The following SYNPR variants were observed in gnomAD, a reference collection of about 807,000 sequenced individuals.
SYNPR encodes the protein synaptoporin.
SYNPR carries 23 observed loss-of-function variants against 32.9 expected under a neutral mutation model. The ratio of observed to expected loss-of-function variants is 0.70; its 90% CI spans 0.50 to 0.99. The LOEUF is 0.99. SYNPR is among the 50% of genes least tolerant of loss of function. The pLI is 0.00. For missense variants in SYNPR, 318 were observed against 349.3 expected (o/e 0.91, Z 0.71); for synonymous variants, 146 against 135.9 (o/e 1.07, Z -0.52).
At chr3:63,512,289 C>G (rs1352703168) in intron 3 of SYNPR, among the ~76,000 whole-genome samples, 1 of 152,080 alleles carries the variant, frequency 6.6e-6, no homozygotes, top group African/African-American at 2.4e-5. Context: ...AGTGGGCTTT[C>G]TCAATGGATT....
chr3:63,286,742 G>C (rs2086687336), intron 2 of SYNPR, among the ~76,000 whole-genome samples: 1 of 152,184 alleles, frequency 6.6e-6, no homozygotes, highest in Admixed American at 6.5e-5. Context: ...CAATGTACTA[G>C]CTTAGGCTCC....
At chr3:63,362,086 C>T (rs1469050325) in intron 2 of SYNPR, among the ~76,000 whole-genome samples, 2 of 152,130 alleles carry the variant, frequency 1.3e-5, no homozygotes, top group African/African-American at 4.8e-5. Context: ...CATACAGGAC[C>T]ATTTAAGGGC....
chr3:63,559,636 G>A (rs1372832314), intron 4 of SYNPR, among the ~76,000 whole-genome samples: 1 of 151,422 alleles, frequency 6.6e-6, no homozygotes. Context: ...ATGTTCAGGT[G>A]TGCAACACTT....
intron 2 of SYNPR, among the ~76,000 whole-genome samples, chr3:63,475,533 A>G (rs1700883437): frequency 1.3e-5 from 2 of 152,160 alleles, no homozygotes; most frequent in Non-Finnish European, 2.9e-5. Flanking sequence ...GCACCACATT[A>G]ACAGAAAGAA....
At chr3:63,408,265 GAA>G (rs1560221052) in intron 2 of SYNPR, among the ~76,000 whole-genome samples, 29 of 119,640 alleles carry the variant, frequency 2.4e-4, no homozygotes, top group Admixed American at 3.4e-4. Flanking sequence ...AAGAAAGAAA[GAA>G]AGAAAGAAAG....
chr3:63,381,721 G>C (rs567289573), intron 2 of SYNPR, among the ~76,000 whole-genome samples: 19 of 152,178 alleles, frequency 1.2e-4, no homozygotes, highest in Admixed American at 1.2e-3. Flanking sequence ...ATCTGTTAAA[G>C]CCTGCCATTT....
At chr3:63,410,816 G>C (rs561053171) in intron 2 of SYNPR, among the ~76,000 whole-genome samples, 1 of 152,256 alleles carries the variant, frequency 6.6e-6, no homozygotes, top group African/African-American at 2.4e-5. Flanking sequence ...GTGAGGGGCA[G>C]CAGAAGCCCC....
Position 63,397,029 on chromosome 3 carries a change from G to C in SYNPR, c.85-83803G>C, listed in dbSNP as rs948777196. The stretch of plus-strand genomic sequence containing the variant: ...TGAGGTAGGAGAATGGCGTGAACCC[G>C]GGAGGCGGAGCTTGCAGTGAGCCAA... On this transcript the variant is annotated intron_variant, in intron 2 of 5. Transcript: ENST00000478300. Among the ~76,000 whole-genome samples the C allele has an allele frequency of 4.0e-5, 6 of 151,302 alleles. No homozygotes were observed. The East Asian group carries it at 1.2e-3, about 30-fold the overall frequency.
rs188034053 is a variant in SYNPR at position 63,421,329 on chromosome 3, A to C, written c.85-59503A>C. Reference sequence around the variant, plus strand: ...CACAAAGATTTGCAATTTTATTTGTAATAGCCAAAAAACTGGAAACCACCA... The same window carrying C: ...CACAAAGATTTGCAATTTTATTTGTCATAGCCAAAAAACTGGAAACCACCA... On this transcript the variant is annotated intron_variant, in intron 2 of 5. Coordinates refer to ENST00000478300, the MANE Select transcript of SYNPR (RefSeq NM_001130003.2). Among the ~76,000 whole-genome samples, 964 of 147,516 alleles carry C rather than the reference A, an allele frequency of 6.5e-3. 10 individuals are homozygous for C. The highest frequency in any genetic ancestry group is 0.022 in the African/African-American group (915 of 40,784).
intron 2 of SYNPR, among the ~76,000 whole-genome samples, chr3:63,279,528 C>A (rs1293384515): frequency 6.6e-6 from 1 of 152,172 alleles, no homozygotes; most frequent in African/African-American, 2.4e-5. Flanking sequence ...CGGTTACCCA[C>A]AGGGCCACAG....
At chr3:63,246,460 C>T (rs2086291393) in intron 1 of SYNPR, among the ~76,000 whole-genome samples, 1 of 152,022 alleles carries the variant, frequency 6.6e-6, no homozygotes. Context: ...GATTCAGGTT[C>T]CTGACCTCAT....
chr3:63,365,876 T>C (rs1241961975), intron 2 of SYNPR, among the ~76,000 whole-genome samples: 2 of 152,180 alleles, frequency 1.3e-5, no homozygotes, highest in African/African-American at 4.8e-5. Context: ...TTCAGAGTGA[T>C]GAGTCCATTA....
At chr3:63,330,912 A>G (rs1368640027) in intron 2 of SYNPR, among the ~76,000 whole-genome samples, 1 of 152,152 alleles carries the variant, frequency 6.6e-6, no homozygotes, top group African/African-American at 2.4e-5. Flanking sequence ...GATAAGGAAG[A>G]AAAGTTTCTA....
intron 2 of SYNPR, among the ~76,000 whole-genome samples, chr3:63,344,571 T>TTC: frequency 6.7e-6 from 1 of 150,126 alleles, no homozygotes; most frequent in African/African-American, 2.5e-5. Context: ...TTTTTTTTTT[T>TTC]ACAGATTAAT....
At chr3:63,540,919 A>ACACACACAC (rs1702287620) in intron 3 of SYNPR, among the ~76,000 whole-genome samples, 2 of 67,672 alleles carry the variant, frequency 3.0e-5, no homozygotes, top group South Asian at 4.8e-4. Context: ...CACACACACA[A>ACACACACAC]TCCCCCCCCC....
chr3:63,277,847 T>G (rs562352328), upstream of SYNPR, among the ~76,000 whole-genome samples: 10 of 152,234 alleles, frequency 6.6e-5, no homozygotes, highest in African/African-American at 2.4e-4. Flanking sequence ...GCTTATCCTG[T>G]TTTTTTGATG....
At position 63,388,379 on chromosome 3, in the gene SYNPR, CTTTTTTT is replaced by C. The variant is rs144044254; in HGVS notation, c.85-92433_85-92427del. Among the ~76,000 whole-genome samples the C allele has an allele frequency of 3.7e-3, 307 of 83,634 alleles. 2 individuals carry two copies. Among genetic ancestry groups the C allele is most frequent in the Non-Finnish European group, 5.4e-3 (247 of 46,166 alleles). The allele number at this position is 83,634 out of a possible 152,430, so 54.9% of individuals were successfully genotyped here. ...CAAAACCCAAGTAAAGTTTGGAGCT[CTTTTTTT>C]TTTTTTTTTTTTTTTTTTTAAGACA... is the stretch of plus-strand genomic sequence containing the variant. On this transcript the variant is annotated intron_variant, in intron 2 of 5. Coordinates refer to ENST00000478300, the MANE Select transcript of SYNPR (RefSeq NM_001130003.2).
intron 2 of SYNPR, among the ~76,000 whole-genome samples, chr3:63,379,246 CTTGAAAAGTATGTATATCCTGCTG>C (rs1356829723): frequency 6.6e-6 from 1 of 152,020 alleles, no homozygotes; most frequent in Non-Finnish European, 1.5e-5. Flanking sequence ...TTCATAGGAA[CTTGAAAAGTATGTATATCCTGCTG>C]TTGAAAAGTA....
chr3:63,524,982 A>G (rs1332010534), intron 3 of SYNPR, among the ~76,000 whole-genome samples: 1 of 152,026 alleles, frequency 6.6e-6, no homozygotes, highest in Non-Finnish European at 1.5e-5. Flanking sequence ...AGAAACTAAT[A>G]GTTCTTCCAG....
Sources: gnomAD v4.1 joint callset for allele counts (sites outside exome capture counted in the v4.1 genomes callset) on GRCh38, gnomAD v4.1.1 for gene constraint, MANE v1.5 for transcripts, NCBI Gene and HGNC (gene_info 2026-07-23, HGNC 2026-07-21) for gene names.